CALD1: variants seen among roughly 807,000 people sequenced by gnomAD.
The protein encoded by CALD1 is caldesmon.
CALD1 carries 33 observed loss-of-function variants against 99.9 expected under a neutral mutation model. That is an observed-to-expected ratio of 0.33 (90% CI 0.25 to 0.44). The LOEUF (loss-of-function observed/expected upper bound fraction) is 0.44, where lower values mean the gene tolerates loss of function less well. CALD1 is among the 20% of genes least tolerant of loss of function. The pLI is 1.00. For missense variants in CALD1, 861 were observed against 962.1 expected, an observed-to-expected ratio of 0.89 and a Z score of 1.39; for synonymous variants, 310 against 325.0, an observed-to-expected ratio of 0.95 and a Z score of 0.50.
intron 1 of CALD1, among the ~76,000 whole-genome samples, chr7:134,748,484 T>C (rs1466608866): frequency 1.3e-5 from 2 of 152,076 alleles, no homozygotes; most frequent in Non-Finnish European, 2.9e-5. Context: ...CTGAGGTGGG[T>C]GGATCACCTG....
upstream of CALD1, among the ~76,000 whole-genome samples, chr7:134,740,035 T>C (rs1245949568): frequency 6.6e-6 from 1 of 152,138 alleles, no homozygotes; most frequent in Non-Finnish European, 1.5e-5. Flanking sequence ...TCTTCAAGAA[T>C]GTCATAGACC....
intron 3 of CALD1, among the ~76,000 whole-genome samples, chr7:134,897,237 G>C (rs1386978642): frequency 6.6e-6 from 1 of 151,988 alleles, no homozygotes; most frequent in African/African-American, 2.4e-5. Context: ...TCAGGCTCTG[G>C]CCTCAAGGGT....
chr7:134,945,037 T>C (rs574465432), intron 7 of CALD1, among the ~76,000 whole-genome samples: 60 of 152,324 alleles, frequency 3.9e-4, no homozygotes, highest in Middle Eastern at 6.8e-3. Flanking sequence ...TATAGTTGTG[T>C]AAAATACTAA....
chr7:134,812,471 C>T (rs1470264214), intron 1 of CALD1, among the ~76,000 whole-genome samples: 3 of 151,800 alleles, frequency 2.0e-5, no homozygotes, highest in Non-Finnish European at 2.9e-5. Context: ...AGCTAGAAAT[C>T]GACAATATCG....
intron 1 of CALD1, among the ~76,000 whole-genome samples, chr7:134,785,834 T>G (rs1285530892): frequency 6.6e-6 from 1 of 152,208 alleles, no homozygotes; most frequent in Non-Finnish European, 1.5e-5. Flanking sequence ...TACTTTTATA[T>G]GAACATGGGA....
chr7:134,858,208 A>G (rs1263242865), intron 2 of CALD1, among the ~76,000 whole-genome samples: 3 of 152,060 alleles, frequency 2.0e-5, no homozygotes, highest in Non-Finnish European at 4.4e-5. Context: ...CTGAACTTTC[A>G]TTCCATGTGA....
chr7:134,900,413 G>A (rs1314629617), intron 3 of CALD1, among the ~76,000 whole-genome samples: 1 of 152,062 alleles, frequency 6.6e-6, no homozygotes, highest in African/African-American at 2.4e-5. Flanking sequence ...TAGGTACATT[G>A]GACTGGAAGC....
intron 1 of CALD1, among the ~76,000 whole-genome samples, chr7:134,812,147 C>G (rs1400125233): frequency 6.6e-6 from 1 of 152,072 alleles, no homozygotes; most frequent in Non-Finnish European, 1.5e-5. Flanking sequence ...CTTTTAACAA[C>G]TTATCAAATA....
intron 1 of CALD1, among the ~76,000 whole-genome samples, chr7:134,820,603 C>T (rs1012828254): frequency 3.3e-5 from 5 of 152,154 alleles, no homozygotes; most frequent in Admixed American, 3.3e-4. Context: ...ACTTTACCCA[C>T]TACAAATGTT....
chr7:134,756,652 C>T (rs1449606487), intron 1 of CALD1, among the ~76,000 whole-genome samples: 1 of 152,140 alleles, frequency 6.6e-6, no homozygotes, highest in Non-Finnish European at 1.5e-5. Flanking sequence ...TGAGGACCTG[C>T]ATGATTCTTA....
Position 134,923,289 on chromosome 7 carries a change from TCAAA to T in CALD1, c.72-5458_72-5455del, listed in dbSNP as rs532993107. On this transcript the variant is annotated intron_variant, in intron 3 of 14. Transcript: ENST00000361675. The stretch of plus-strand genomic sequence containing the variant: ...TAGGTGGGAAGTTCATGGATTCTGG[TCAAA>T]CAAACATTTTATTTCATAGAGAAGT... Among the ~76,000 whole-genome samples the T allele has an allele frequency of 6.2e-3, 938 of 152,354 alleles. 4 individuals are homozygous for T. Among genetic ancestry groups the T allele is most frequent in the Non-Finnish European group, 9.8e-3 (670 of 68,030 alleles).
chr7:134,731,853 A>G, the CALD1 span, among the ~76,000 whole-genome samples: 100,558 of 152,026 alleles, frequency 0.66, 33,767 homozygotes, highest in East Asian at 0.89. Flanking sequence ...TTCCACCCAT[A>G]TATTCTACAG....
At chr7:134,769,348 A>G (rs1796857261) in intron 1 of CALD1, among the ~76,000 whole-genome samples, 1 of 152,220 alleles carries the variant, frequency 6.6e-6, no homozygotes, top group East Asian at 1.9e-4. Flanking sequence ...AACAAAGTGA[A>G]TGCACCAATC....
chr7:134,940,156 C>T (rs374341822), intron 6 of CALD1, among the ~76,000 whole-genome samples: 1 of 152,080 alleles, frequency 6.6e-6, no homozygotes, highest in African/African-American at 2.4e-5. Context: ...AAAGAACCAT[C>T]GTGAATGCAC....
the CALD1 span, among the ~76,000 whole-genome samples, chr7:134,717,937 A>C: frequency 6.6e-6 from 1 of 152,246 alleles, no homozygotes; most frequent in Non-Finnish European, 1.5e-5. Context: ...AAATGCTAGC[A>C]ATATAGATGG....
rs1251993273 is a variant in CALD1, at chr7:134,933,350, A to G, written c.581A>G (p.Glu194Gly). ...KKEDKEKEEE[E>G]EEKPKRGSIG... is the part of the protein sequence containing the mutation. ...GAAGACAAGGAAAAGGAGGAGGAGG[A>G]AGAGGAGAAGCCAAAGCGAGGGAGC... is the stretch of plus-strand genomic sequence containing the variant. Residue 194 changes from glutamate to glycine, a missense_variant, in exon 5 of 15, where the codon GAA (glutamate) becomes GGA (glycine). This residue lies in a region of CALD1 where 234 missense variants were observed against 233.1 expected (regional missense o/e 1.00). Transcript: ENST00000361675. 2.5e-6 allele frequency: 4 copies of G among 1,605,068 alleles called. No individual in the cohort carries two copies. The highest frequency in any genetic ancestry group is 2.6e-6 in the Non-Finnish European group (3 of 1,175,604).
chr7:134,712,007 G>C, the CALD1 span, among the ~76,000 whole-genome samples: 1 of 127,140 alleles, frequency 7.9e-6, no homozygotes, highest in Non-Finnish European at 1.6e-5. Context: ...AGAAGGAAAG[G>C]AGGGAGGGAA....
intron 1 of CALD1, among the ~76,000 whole-genome samples, chr7:134,773,158 AT>A (rs571170988): frequency 2.8e-5 from 4 of 144,592 alleles, no homozygotes; most frequent in Admixed American, 1.4e-4. Context: ...TCTTCTTACT[AT>A]TTTTTTTCTG....
intron 1 of CALD1, among the ~76,000 whole-genome samples, chr7:134,758,738 G>C (rs184323033): frequency 6.6e-6 from 1 of 152,236 alleles, no homozygotes; most frequent in East Asian, 1.9e-4. Context: ...ATGCTGGGAA[G>C]GAGACTCCCC....
Sources: allele counts gnomAD v4.1 joint callset (sites outside exome capture counted in the v4.1 genomes callset), GRCh38; gene constraint gnomAD v4.1.1; regional missense constraint gnomAD v4.1.1; transcripts MANE v1.5; gene names NCBI Gene and HGNC (gene_info 2026-07-23, HGNC 2026-07-21).